Variants in TENM1 observed in about 807,000 individuals in gnomAD.
The protein encoded by TENM1 is teneurin transmembrane protein 1.
A neutral mutation model predicts 174.8 loss-of-function variants in TENM1; 35 were observed. The observed-to-expected ratio is 0.20, with a 90% CI of 0.15 to 0.27. The LOEUF is 0.27. Ranked by LOEUF, TENM1 falls within the 10% of genes least tolerant of loss-of-function variation. The pLI is 1.00. For synonymous variants in TENM1, 781 were observed against 798.7 expected, an observed-to-expected ratio of 0.98 and a Z score of 0.37; for missense variants, 1,633 against 2,130.1, an observed-to-expected ratio of 0.77 and a Z score of 4.59.
intron 1 of TENM1, among the ~76,000 whole-genome samples, chrX:124,910,322 A>C (rs1199994303): frequency 8.9e-6 from 1 of 112,337 alleles, no homozygotes; most frequent in Non-Finnish European, 1.9e-5. Flanking sequence ...CTGAACAATC[A>C]AATTAATGTT....
the TENM1 span, among the ~76,000 whole-genome samples, chrX:125,102,791 G>T: frequency 8.9e-6 from 1 of 112,188 alleles, no homozygotes; most frequent in Admixed American, 9.5e-5. Context: ...TACCTATCTA[G>T]ATCTTCTCAG....
At chrX:125,004,571 G>T in the TENM1 span, among the ~76,000 whole-genome samples, 1 of 111,942 alleles carries the variant, frequency 8.9e-6, no homozygotes, top group Non-Finnish European at 1.9e-5. Context: ...CATACAAACA[G>T]CATAATACTT....
At chrX:124,432,433 G>C (rs2060790711) in intron 23 of TENM1, among the ~76,000 whole-genome samples, 1 of 111,410 alleles carries the variant, frequency 9.0e-6, no homozygotes, top group Non-Finnish European at 1.9e-5. Flanking sequence ...GTTTGAGACA[G>C]AGTCTTGCTC....
intron 15 of TENM1, among the ~76,000 whole-genome samples, chrX:124,542,528 G>C (rs908804094): frequency 1.8e-5 from 2 of 110,544 alleles, no homozygotes; most frequent in African/African-American, 6.6e-5. Context: ...TTCCACCAGA[G>C]TGGGCAGAAG....
At chrX:124,990,472 A>T in the TENM1 span, among the ~76,000 whole-genome samples, 18 of 112,989 alleles carry the variant, frequency 1.6e-4, no homozygotes, top group South Asian at 3.6e-4. Context: ...AACAGCAATA[A>T]ATAATAATTC....
At chrX:124,658,969 A>T (rs1350275429) in intron 6 of TENM1, among the ~76,000 whole-genome samples, 1 of 111,367 alleles carries the variant, frequency 9.0e-6, no homozygotes, top group Admixed American at 9.5e-5. Context: ...CCACATTCCC[A>T]AAAACTTTAG....
At chrX:124,823,690 T>C (rs1033257382) in intron 3 of TENM1, among the ~76,000 whole-genome samples, 2 of 110,696 alleles carry the variant, frequency 1.8e-5, no homozygotes, top group African/African-American at 6.6e-5. Context: ...GTAATATAGG[T>C]TTCACACACA....
At position 124,654,456 on chromosome X, in the gene TENM1, T is replaced by C. The variant is rs16999348; in HGVS notation, c.1169-673A>G. 8.3e-3 allele frequency among the ~76,000 whole-genome samples: 928 copies of C among 112,446 alleles called. 8 individuals carry two copies. The highest frequency in any genetic ancestry group is 0.029 in the African/African-American group (895 of 30,954). On this transcript the variant is annotated intron_variant, in intron 6 of 31. Transcript: ENST00000422452. ...AACATAGACGATACATATGTATTCA[T>C]AGAACAAATGGATGAATGAGAAAAA...
At chrX:124,958,052 T>C (rs1203058037) in intron 1 of TENM1, among the ~76,000 whole-genome samples, 1 of 111,734 alleles carries the variant, frequency 8.9e-6, no homozygotes, top group Non-Finnish European at 1.9e-5. Flanking sequence ...ATAGCTAGCC[T>C]GTGTGCCTCT....
intron 18 of TENM1, among the ~76,000 whole-genome samples, chrX:124,517,993 G>A (rs1212663422): frequency 9.1e-6 from 1 of 110,488 alleles, no homozygotes; most frequent in Non-Finnish European, 1.9e-5. Context: ...ATGAGATGTC[G>A]CACTTGTAAA....
intron 5 of TENM1, among the ~76,000 whole-genome samples, chrX:124,674,742 A>C (rs2052021465): frequency 1.8e-5 from 2 of 111,256 alleles, no homozygotes; most frequent in African/African-American, 6.5e-5. Flanking sequence ...ACCTGTTCCA[A>C]TTAGAGGTAT....
At chrX:124,550,079 CA>C (rs2148128059) in intron 14 of TENM1, among the ~76,000 whole-genome samples, 1 of 111,388 alleles carries the variant, frequency 9.0e-6, no homozygotes, top group East Asian at 2.8e-4. Flanking sequence ...AGGGAGGTTA[CA>C]CTGACTTGAA....
At chrX:124,660,072 T>C (rs952841948) in intron 6 of TENM1, among the ~76,000 whole-genome samples, 13 of 111,658 alleles carry the variant, frequency 1.2e-4, no homozygotes, top group South Asian at 3.8e-4. Context: ...GATTTGTCAA[T>C]AGTTTCTTAG....
rs2052195728 is a variant in TENM1, at chrX:124,680,045, G to C, written c.1016-8210C>G. Among the ~76,000 whole-genome samples the C allele has an allele frequency of 6.3e-5, 7 of 110,833 alleles. No homozygotes were observed. In the Admixed American group the frequency reaches 6.7e-4, roughly 11 times the overall value. ...AATTCCCTTTGAAAGAAAGAACTTC[G>C]CTAATTAAAAGAAAAAAAACAAAAG... is the stretch of plus-strand genomic sequence containing the variant. On this transcript the variant is annotated intron_variant, in intron 5 of 31. Coordinates refer to ENST00000422452, the Ensembl canonical transcript of TENM1.
At chrX:124,652,264 T>A (rs1445237598) in intron 7 of TENM1, 140 bp from the exon 11 acceptor site, 1 of 801,571 alleles carries the variant, frequency 1.2e-6, no homozygotes, top group Non-Finnish European at 1.7e-6. Flanking sequence ...AATTTTTAAG[T>A]ATATTTAGAC....
intron 3 of TENM1, among the ~76,000 whole-genome samples, chrX:124,883,243 A>G (rs2147523056): frequency 9.0e-6 from 1 of 110,791 alleles, no homozygotes; most frequent in African/African-American, 3.3e-5. Flanking sequence ...ACACATACCT[A>G]TATGTTGGTT....
At chrX:124,448,816 T>C (rs112740083) in intron 23 of TENM1, among the ~76,000 whole-genome samples, 4,757 of 111,508 alleles carry the variant, frequency 0.043, 229 homozygotes, top group African/African-American at 0.14. Context: ...CAGTAAGGGA[T>C]TGAAGCAACA....
the TENM1 span, among the ~76,000 whole-genome samples, chrX:125,187,287 T>C: frequency 8.9e-6 from 1 of 112,252 alleles, no homozygotes; most frequent in South Asian, 3.6e-4. Flanking sequence ...AAGTCATTTA[T>C]TAGTAATGTA....
the TENM1 span, among the ~76,000 whole-genome samples, chrX:125,116,439 A>G: frequency 1.6e-4 from 18 of 112,134 alleles, no homozygotes; most frequent in South Asian, 6.7e-3. Flanking sequence ...CTATCATCAG[A>G]GTGAATAGGC....
Sources: gnomAD v4.1 joint callset for allele counts (sites outside exome capture counted in the v4.1 genomes callset) on GRCh38, gnomAD v4.1.1 for gene constraint, MANE v1.5 for transcripts, NCBI Gene and HGNC (gene_info 2026-07-23, HGNC 2026-07-21) for gene names.